The following DYNC1I1 variants were observed in gnomAD, a reference collection of about 807,000 sequenced individuals.
The protein encoded by DYNC1I1 is dynein cytoplasmic 1 intermediate chain 1.
Under a neutral mutation model 86.6 loss-of-function variants are expected in DYNC1I1, and 43 were observed. That is an observed-to-expected ratio of 0.50 (90% CI 0.39 to 0.64). The LOEUF (loss-of-function observed/expected upper bound fraction) is 0.64. Ranked by LOEUF, DYNC1I1 falls within the 30% of genes least tolerant of loss-of-function variation. The pLI is 0.00. For missense variants in DYNC1I1, 604 were observed against 788.8 expected (o/e 0.77, Z 2.81); for synonymous variants, 262 against 283.7 (o/e 0.92, Z 0.77).
chr7:95,779,566 TG>T (rs949427166), intron 1 of DYNC1I1, among the ~76,000 whole-genome samples: 5 of 152,232 alleles, frequency 3.3e-5, no homozygotes, highest in African/African-American at 1.2e-4. Flanking sequence ...AGGTATGCTT[TG>T]TTTTTTTATA....
At chr7:96,024,001 C>G (rs995920458) in intron 10 of DYNC1I1, among the ~76,000 whole-genome samples, 1 of 152,126 alleles carries the variant, frequency 6.6e-6, no homozygotes, top group African/African-American at 2.4e-5. Context: ...TAACGTAACA[C>G]TGTCTTTGTG....
At chr7:95,910,507 T>C (rs1225930904) in intron 6 of DYNC1I1, among the ~76,000 whole-genome samples, 1 of 152,108 alleles carries the variant, frequency 6.6e-6, no homozygotes, top group East Asian at 1.9e-4. Context: ...CTCTGAGGCA[T>C]GGATTAAGGT....
chr7:95,935,443 A>C (rs564147459), intron 6 of DYNC1I1, among the ~76,000 whole-genome samples: 114 of 152,186 alleles, frequency 7.5e-4, no homozygotes, highest in African/African-American at 2.5e-3. Context: ...ACATAGGAGT[A>C]CTAATAACAC....
intron 6 of DYNC1I1, among the ~76,000 whole-genome samples, chr7:95,973,758 T>A (rs1286584453): frequency 6.6e-6 from 1 of 152,228 alleles, no homozygotes; most frequent in African/African-American, 2.4e-5. Context: ...TGAGAATTAA[T>A]GTTTAAAATA....
intron 11 of DYNC1I1, 123 bp downstream of exon 11, chr7:96,028,444 T>C: frequency 7.6e-7 from 1 of 1,313,910 alleles, no homozygotes; most frequent in Non-Finnish European, 1.0e-6. Context: ...TTATTATGAT[T>C]GAATCCTGAC....
At chr7:95,794,985 T>C (rs557794441) in intron 1 of DYNC1I1, among the ~76,000 whole-genome samples, 1 of 152,344 alleles carries the variant, frequency 6.6e-6, no homozygotes, top group East Asian at 1.9e-4. Flanking sequence ...AAATAGGTCC[T>C]TCCTATGTAA....
At chr7:95,847,361 G>A (rs759527697) in intron 5 of DYNC1I1, among the ~76,000 whole-genome samples, 5 of 151,942 alleles carry the variant, frequency 3.3e-5, no homozygotes, top group East Asian at 1.9e-4. Flanking sequence ...TCCTAGATTC[G>A]GTTTTGTTCC....
At chr7:95,843,056 T>C (rs972502768) in intron 5 of DYNC1I1, among the ~76,000 whole-genome samples, 1 of 152,232 alleles carries the variant, frequency 6.6e-6, no homozygotes, top group Non-Finnish European at 1.5e-5. Flanking sequence ...TTCCTGCTAC[T>C]GAAGCAAGTC....
chr7:95,839,239 C>T (rs909857573), intron 5 of DYNC1I1, among the ~76,000 whole-genome samples: 2 of 152,092 alleles, frequency 1.3e-5, no homozygotes, highest in African/African-American at 2.4e-5. Flanking sequence ...CCATGTTGGC[C>T]GGGCTAGTCT....
chr7:95,950,646 C>G (rs1003753030), intron 6 of DYNC1I1, among the ~76,000 whole-genome samples: 2 of 152,086 alleles, frequency 1.3e-5, no homozygotes, highest in African/African-American at 4.8e-5. Flanking sequence ...ATTCAGAGTC[C>G]TAACCAGAGC....
chr7:95,935,390 G>C (rs900805355), intron 6 of DYNC1I1, among the ~76,000 whole-genome samples: 1 of 152,058 alleles, frequency 6.6e-6, no homozygotes, highest in Non-Finnish European at 1.5e-5. Context: ...TGAACATTTA[G>C]GTTGTTTCCA....
chr7:96,089,430 G>T (rs1175510710), intron 16 of DYNC1I1, among the ~76,000 whole-genome samples: 1 of 152,082 alleles, frequency 6.6e-6, no homozygotes, highest in Non-Finnish European at 1.5e-5. Context: ...AAGCTTAATT[G>T]TTTAGAGCAT....
chr7:95,921,374 A>T (rs1284116222), intron 6 of DYNC1I1, among the ~76,000 whole-genome samples: 1 of 152,198 alleles, frequency 6.6e-6, no homozygotes, highest in East Asian at 1.9e-4. Context: ...TCTAGAGGAC[A>T]AGGAGACACT....
intron 15 of DYNC1I1, among the ~76,000 whole-genome samples, chr7:96,080,045 A>G (rs529527227): frequency 2.2e-4 from 33 of 152,226 alleles, no homozygotes; most frequent in African/African-American, 6.5e-4. Context: ...GATCCCATTT[A>G]GCTCCTGTAT....
At chr7:96,108,342 A>G (rs1259672684) in intron 16 of DYNC1I1, among the ~76,000 whole-genome samples, 6 of 152,142 alleles carry the variant, frequency 3.9e-5, no homozygotes, top group South Asian at 4.1e-4. Context: ...TTTAAAAAGG[A>G]TATTTCTATC....
intron 14 of DYNC1I1, among the ~76,000 whole-genome samples, chr7:96,072,784 A>G (rs1232347771): frequency 6.6e-6 from 1 of 152,208 alleles, no homozygotes; most frequent in African/African-American, 2.4e-5. Flanking sequence ...TGAAAATTTT[A>G]ATACTTCAAA....
Position 95,964,859 on chromosome 7 carries a change from T to G in DYNC1I1, c.491-12653T>G, listed in dbSNP as rs1562957839. On this transcript the variant is annotated intron_variant, in intron 6 of 16. Transcript: ENST00000447467. ...AGACATCATGGAGAAAGATGAATAT[T>G]TGGATAAAGAGTATTCCAGGTACAG... Among the ~76,000 whole-genome samples the G allele has an allele frequency of 2.0e-5, 3 of 152,204 alleles. No homozygotes were observed. In the East Asian group the frequency reaches 5.8e-4, roughly 29 times the overall value.
intron 6 of DYNC1I1, among the ~76,000 whole-genome samples, chr7:95,911,572 A>C (rs1435048179): frequency 6.6e-6 from 1 of 152,230 alleles, no homozygotes; most frequent in African/African-American, 2.4e-5. Flanking sequence ...GCCCAAGCTT[A>C]CATTTAGGAA....
chr7:95,979,988 G>A (rs1793411760), intron 7 of DYNC1I1, among the ~76,000 whole-genome samples: 1 of 152,092 alleles, frequency 6.6e-6, no homozygotes, highest in African/African-American at 2.4e-5. Context: ...AAATACACCT[G>A]GTGATAAGGA....
Sources: allele counts gnomAD v4.1 joint callset (sites outside exome capture counted in the v4.1 genomes callset), GRCh38; gene constraint gnomAD v4.1.1; transcripts MANE v1.5; gene names NCBI Gene and HGNC (gene_info 2026-07-23, HGNC 2026-07-21).